The following DCHS1 variants were observed in gnomAD, a reference collection of about 807,000 sequenced individuals.
The protein encoded by DCHS1 is dachsous cadherin-related 1.
Under a neutral mutation model 213.9 loss-of-function variants are expected in DCHS1, and 78 were observed. The ratio of observed to expected loss-of-function variants is 0.36; its 90% confidence interval spans 0.30 to 0.44. The LOEUF (loss-of-function observed/expected upper bound fraction) is 0.44. DCHS1 is among the 20% of genes least tolerant of loss of function. The pLI, the probability that DCHS1 is intolerant of heterozygous loss-of-function variation, is 1.00. For missense variants in DCHS1, 3,946 were observed against 4,395.9 expected (o/e 0.90, Z 2.89); for synonymous variants, 1,828 against 1,873.7 (o/e 0.98, Z 0.63).
rs767741861 is a variant in DCHS1, at chr11:6,626,848, C to T, written c.6191G>A (p.Arg2064His). The change falls in exon 14 of 21, where the codon CGT becomes CAT. Residue 2064 changes from arginine (R) to histidine (H), a missense_variant. By Grantham distance (29) the Arg-to-His change is conservative. Coordinates refer to ENST00000299441, the MANE Select transcript of DCHS1 (RefSeq NM_003737.4). The surrounding 1 kb of genome is among the most constrained non-coding windows in gnomAD (Gnocchi z 5.2). Reference sequence around the variant, plus strand: ...GCTAGCCCGGGGAAAGCGGGGTCCACGCTCAGCTTCCCCCTGCAGTCCAAC... The same window carrying T: ...GCTAGCCCGGGGAAAGCGGGGTCCATGCTCAGCTTCCCCCTGCAGTCCAAC... ...IIVGLQGEAERGPRFPRASSE... is the reference protein window; with the variant it reads ...IIVGLQGEAEHGPRFPRASSE... 2.0e-5 allele frequency: 32 copies of T among 1,613,260 alleles called. No homozygotes were observed. Among genetic ancestry groups the T allele is most frequent in the South Asian group, 4.4e-5 (4 of 91,072 alleles).
At chr11:6,654,281 G>A (rs1856284889) in intron 1 of DCHS1, among the ~76,000 whole-genome samples, 1 of 152,170 alleles carries the variant, frequency 6.6e-6, no homozygotes, top group Admixed American at 6.5e-5. Flanking sequence ...ACAGCCTCCT[G>A]TTAGTGACAG....
chr11:6,633,712 G>A (rs2134633866), intron 4 of DCHS1, 64 bp from the exon 5 acceptor site: 8 of 1,603,238 alleles, frequency 5.0e-6, no homozygotes, highest in Middle Eastern at 3.3e-4. Flanking sequence ...AGGTTATGGA[G>A]GAGGTGGGTA....
chr11:6,625,692 G>C lies in DCHS1; in HGVS notation c.6767C>G (p.Ala2256Gly). 6.2e-7 allele frequency: 1 copy of C among 1,611,280 alleles called. No individual in the cohort carries two copies. The highest frequency in any genetic ancestry group is 1.1e-5 in the South Asian group (1 of 90,810). Reference protein sequence around the residue: ...VLMATDRGSPALVGSATLTVM... With the variant: ...VLMATDRGSPGLVGSATLTVM... ...CGTCAAGGTAGCTGAGCCCACCAGG[G>C]CTGGGCTCCCTCTGTCTGTGGCCAT... is the stretch of plus-strand genomic sequence containing the variant. Residue 2256 changes from alanine to glycine, a missense_variant, in exon 18 of 21, where the codon GCC becomes GGC. By Grantham distance (60) the Ala-to-Gly change is moderately conservative. This residue lies in a region of DCHS1 where 3,384 missense variants were observed against 3,780.1 expected (regional missense o/e 0.90). Transcript: ENST00000299441. The surrounding 1 kb of genome is among the most constrained non-coding windows in gnomAD (Gnocchi z 5.3).
At chr11:6,637,978 TA>T (rs1856011258) in intron 2 of DCHS1, among the ~76,000 whole-genome samples, 1 of 152,170 alleles carries the variant, frequency 6.6e-6, no homozygotes, top group South Asian at 2.1e-4. Context: ...CTATGGTTAC[TA>T]ATAGTAAAAA....
chr11:6,633,589 T>A lies in DCHS1; in HGVS notation c.2278A>T (p.Ile760Phe). The A allele has an allele frequency of 1.3e-6, 2 of 1,597,010 alleles. No homozygotes were observed. The highest frequency in any genetic ancestry group is 1.7e-6 in the Non-Finnish European group (2 of 1,171,690). Residue 760 changes from isoleucine to phenylalanine, a missense_variant, in exon 5 of 21, where the codon ATC becomes TTC. Transcript: ENST00000299441. ...RRANSVVQLE[I>F]GAEDGGGLQA... The stretch of plus-strand genomic sequence containing the variant: ...AGGCCACCTCCGTCCTCAGCCCCGA[T>A]CTCCAGCTGCACCACAGAATTGGCC...
At position 6,626,249 on chromosome 11, in the gene DCHS1, C is replaced by A. The variant is rs1276862258; in HGVS notation, c.6496G>T (p.Asp2166Tyr). 1 of 1,612,588 alleles carries A rather than the reference C, an allele frequency of 6.2e-7. No individual in the cohort carries two copies. The highest frequency in any genetic ancestry group is 8.5e-7 in the Non-Finnish European group (1 of 1,179,284). The stretch of plus-strand genomic sequence containing the variant: ...GGCCGCAGGAAACGGGGAGCATTGT[C>A]GTTGGCATCTTGCAGGGTCAGGGTC... The part of the protein sequence containing the change: ...VLTLTLQDAN[D>Y]NAPRFLRPHY... The change falls in exon 16 of 21, where the codon GAC becomes TAC. Residue 2166 changes from aspartate to tyrosine, a missense_variant. Asp to Tyr is a radical substitution (Grantham distance 160). Transcript: ENST00000299441. This position sits in a 1 kb window ranked among gnomAD's most constrained non-coding sequence, Gnocchi z 5.2.
chr11:6,644,618 G>A (rs1856129157), intron 1 of DCHS1, among the ~76,000 whole-genome samples: 1 of 152,216 alleles, frequency 6.6e-6, no homozygotes, highest in Non-Finnish European at 1.5e-5. Context: ...GACTCCTTGA[G>A]GGCAGTGACA....
At position 6,632,663 on chromosome 11, in the gene DCHS1, A is replaced by T; in HGVS notation, c.2849T>A (p.Val950Glu). The change falls in exon 6 of 21, where the codon GTA becomes GAA. Residue 950 changes from valine to glutamate, a missense_variant. Around this residue, in one of 3 missense-constraint regions of DCHS1, gnomAD observed 3,384 missense variants for 3,780.1 expected, o/e 0.90. Coordinates refer to ENST00000299441, the MANE Select transcript of DCHS1 (RefSeq NM_003737.4). The surrounding 1 kb of genome is among the most constrained non-coding windows in gnomAD (Gnocchi z 5.9). ...AFTVDPTTGH[V>E]RLMRPLGPSG... ...GGGCCCCAGAGGCCTCATAAGCCGT[A>T]CATGGCCTGTGGTGGGGTCCACGGT... The T allele has an allele frequency of 6.4e-7, 1 of 1,573,102 alleles. No homozygotes were observed. The highest frequency in any genetic ancestry group is 1.2e-5 in the South Asian group (1 of 86,242).
Position 6,626,722 on chromosome 11 carries a change from A to C in DCHS1, c.6251-57T>G. The C allele has an allele frequency of 6.2e-7, 1 of 1,610,518 alleles. No individual in the cohort carries two copies. The highest frequency in any genetic ancestry group is 8.5e-7 in the Non-Finnish European group (1 of 1,178,426). On this transcript the variant is annotated intron_variant, in intron 14 of 20. Coordinates refer to ENST00000299441, the MANE Select transcript of DCHS1 (RefSeq NM_003737.4). The surrounding 1 kb of genome is among the most constrained non-coding windows in gnomAD (Gnocchi z 5.2). ...GCGCGAGACTGGGAGAGTTTGGGGGACATTTTCAAAGCACAACCCCAGCCC... is the reference window on the plus strand; with the variant it reads ...GCGCGAGACTGGGAGAGTTTGGGGGCCATTTTCAAAGCACAACCCCAGCCC...
rs1321878161 is a variant in DCHS1 at position 6,627,958 on chromosome 11, G to A, written c.5372-291C>T. On this transcript the variant is annotated intron_variant, in intron 13 of 20. Transcript: ENST00000299441. The surrounding 1 kb of genome is among the most constrained non-coding windows in gnomAD (Gnocchi z 5.4). ...GCCTTTTTATTCTCATCTCACAGAT[G>A]TACAGTAGAATTTACAGATGCTCTA... is the stretch of plus-strand genomic sequence containing the variant. Among the ~76,000 whole-genome samples the A allele has an allele frequency of 6.6e-6, 1 of 152,170 alleles. No individual in the cohort carries two copies. The highest frequency in any genetic ancestry group is 2.4e-5 in the African/African-American group (1 of 41,424).
chr11:6,648,238 T>C (rs1589963758), intron 1 of DCHS1, among the ~76,000 whole-genome samples: 1 of 152,120 alleles, frequency 6.6e-6, no homozygotes, highest in South Asian at 2.1e-4. Context: ...TCAGATAGAA[T>C]GTGTAGAGTG....
Position 6,641,761 on chromosome 11 carries a change from A to T in DCHS1, c.-120-28T>A, listed in dbSNP as rs1856079479. 7.0e-7 allele frequency: 1 copy of T among 1,430,842 alleles called. No homozygotes were observed. The highest frequency in any genetic ancestry group is 9.1e-7 in the Non-Finnish European group (1 of 1,095,296). The allele number at this position is 1,430,842 out of a possible 1,614,324, so 88.6% of individuals were successfully genotyped here. A position where few individuals can be genotyped will look rare whatever the true frequency, so the allele number is the denominator to read the frequency against. ...GGGAGAAAACAGAAGGAAACGGGTC[A>T]TGACAGAGGAGGGATCAGCAGTCCA... is the stretch of plus-strand genomic sequence containing the variant. On this transcript the variant is annotated intron_variant, in intron 1 of 20. Transcript: ENST00000299441. This position sits in a 1 kb window ranked among gnomAD's most constrained non-coding sequence, Gnocchi z 7.1.
rs551888542 is a variant in DCHS1 at position 6,621,746 on chromosome 11, G to A, written c.*33C>T. ...GGGGCCTGCGTTGGGGACACTGTGC[G>A]CATCCCAGGTCGGGGCCCAGCCTGG... is the stretch of plus-strand genomic sequence containing the variant. On this transcript the variant is annotated 3_prime_UTR_variant, in exon 21 of 21. Transcript: ENST00000299441. 2.1e-5 allele frequency: 32 copies of A among 1,549,294 alleles called. No homozygotes were observed. Among genetic ancestry groups the A allele is most frequent in the Middle Eastern group, 1.7e-4 (1 of 6,024 alleles).
Position 6,640,331 on chromosome 11 carries a change from C to T in DCHS1, c.1283G>A (p.Arg428Gln), listed in dbSNP as rs1332520980. ...DSVIYLVCVARRLDREERDAY... is the reference protein window; with the variant it reads ...DSVIYLVCVAQRLDREERDAY... ...ATCCCTCTCCTCTCGATCCAGCCGC[C>T]GAGCCACACACACCAGATAGATGAC... The change falls in exon 2 of 21, where the codon CGG becomes CAG. Residue 428 changes from arginine to glutamine, a missense_variant. Around this residue, in one of 3 missense-constraint regions of DCHS1, gnomAD observed 3,384 missense variants for 3,780.1 expected, o/e 0.90. Coordinates refer to ENST00000299441, the MANE Select transcript of DCHS1 (RefSeq NM_003737.4). The surrounding 1 kb of genome is among the most constrained non-coding windows in gnomAD (Gnocchi z 6.5). The T allele has an allele frequency of 8.1e-6, 13 of 1,610,782 alleles. No individual in the cohort carries two copies. Among genetic ancestry groups the T allele is most frequent in the Middle Eastern group, 1.7e-4 (1 of 6,056 alleles).
In DCHS1 at chr11:6,624,305, G is replaced by A. The variant is rs149485410; in HGVS notation, c.7371C>T (p.His2457=). ...AVDVVLEARD[H]GAPGRAARAT... is the part of the protein sequence containing the mutation. ...CTCGTGCTGCCCGGCCTGGAGCCCC[G>A]TGGTCTCGTGCTTCCAGCACCACAT... The change falls in exon 21 of 21, where the codon CAC becomes CAT. Residue 2457 remains histidine (H), a synonymous_variant. Coordinates refer to ENST00000299441, the MANE Select transcript of DCHS1 (RefSeq NM_003737.4). 286 of 1,587,316 alleles carry A rather than the reference G, an allele frequency of 1.8e-4. No homozygotes were observed. In the African/African-American group the frequency reaches 3.0e-3, roughly 17 times the overall value.
Position 6,621,691 on chromosome 11 carries a change from G to A in DCHS1, c.*88C>T. On this transcript the variant is annotated 3_prime_UTR_variant, in exon 21 of 21. Transcript: ENST00000299441. ...GGTGGCCTCCCCGTAGCCAGTCATA[G>A]TCCGAGGCTGCCCAGGGCAGGCTCA... is the stretch of plus-strand genomic sequence containing the variant. 1 of 1,473,550 alleles carries A rather than the reference G, an allele frequency of 6.8e-7. No individual in the cohort carries two copies. Among genetic ancestry groups the A allele is most frequent in the Non-Finnish European group, 9.2e-7 (1 of 1,089,844 alleles). The allele number at this position is 1,473,550 out of a possible 1,614,324, so 91.3% of individuals were successfully genotyped here. A position where few individuals can be genotyped will look rare whatever the true frequency, so the allele number is the denominator to read the frequency against.
In DCHS1 at chr11:6,633,424, G is replaced by A. The variant is rs1457120814; in HGVS notation, c.2443C>T (p.His815Tyr). The change falls in exon 5 of 21, where the codon CAC becomes TAC. Residue 815 changes from histidine (H) to tyrosine (Y), a missense_variant. This residue lies in a region of DCHS1 where 3,384 missense variants were observed against 3,780.1 expected (regional missense o/e 0.90). Coordinates refer to ENST00000299441, the MANE Select transcript of DCHS1 (RefSeq NM_003737.4). The part of the protein sequence containing the change: ...PGTSVGIVQA[H>Y]NPPGRLAPVT... ...AGCTAAATGATACCTGGTGGGTTGT[G>A]TGCCTGGACTATGCCCACACTGGTG... 7 of 1,556,686 alleles carry A rather than the reference G, an allele frequency of 4.5e-6. No individual in the cohort carries two copies. Among genetic ancestry groups the A allele is most frequent in the Non-Finnish European group, 5.2e-6 (6 of 1,149,556 alleles).
chr11:6,622,407 T>C lies in DCHS1; in HGVS notation c.9269A>G (p.Tyr3090Cys). 1 of 1,557,016 alleles carries C rather than the reference T, an allele frequency of 6.4e-7. No homozygotes were observed. The highest frequency in any genetic ancestry group is 8.7e-7 in the Non-Finnish European group (1 of 1,149,220). The change falls in exon 21 of 21, where the codon TAT becomes TGT. Residue 3090 changes from tyrosine to cysteine, a missense_variant. Transcript: ENST00000299441. The surrounding 1 kb of genome is among the most constrained non-coding windows in gnomAD (Gnocchi z 5.4). ...SCEPPAPDTW[Y>C]KGRKAGLLLP... ...CAGCAGCCCTGCCTTTCGGCCCTTA[T>C]ACCAGGTGTCAGGGGCAGGTGGTTC... is the stretch of plus-strand genomic sequence containing the variant.
intron 1 of DCHS1, among the ~76,000 whole-genome samples, chr11:6,643,563 G>C (rs1330001218): frequency 6.6e-6 from 1 of 152,024 alleles, no homozygotes; most frequent in African/African-American, 2.4e-5. Context: ...CCACTCCTCT[G>C]TCTCCTTTGC....
Sources: gnomAD v4.1 joint callset for allele counts (sites outside exome capture counted in the v4.1 genomes callset) on GRCh38, gnomAD v4.1.1 for gene constraint, gnomAD v4.1.1 regional missense constraint, Gnocchi (gnomAD v3.1) non-coding constraint, MANE v1.5 for transcripts, NCBI Gene and HGNC (gene_info 2026-07-23, HGNC 2026-07-21) for gene names.